Variants in LRRC4C observed in about 807,000 individuals in gnomAD.
LRRC4C encodes leucine rich repeat containing 4C.
LRRC4C carries 5 observed loss-of-function variants against 33.6 expected under a neutral mutation model. That is an observed-to-expected ratio of 0.15 (90% CI 0.08 to 0.31). LRRC4C has a LOEUF of 0.31. Among genes scored for constraint, LRRC4C ranks in the 10% least tolerant of loss-of-function variants. The pLI is 1.00. For missense variants in LRRC4C, 560 were observed against 796.7 expected (o/e 0.70, Z 3.58); for synonymous variants, 329 against 302.0 (o/e 1.09, Z -0.93).
At chr11:41,342,546 G>A (rs1565596770) in intron 1 of LRRC4C, among the ~76,000 whole-genome samples, 1 of 151,962 alleles carries the variant, frequency 6.6e-6, no homozygotes. Context: ...AAAACCCCGT[G>A]TCTACTAAAA....
chr11:40,158,882 G>C (rs1204663334), intron 5 of LRRC4C, among the ~76,000 whole-genome samples: 3 of 152,136 alleles, frequency 2.0e-5, no homozygotes, highest in Non-Finnish European at 4.4e-5. Context: ...AGTAGGAAAA[G>C]AGTATCAGAA....
intron 1 of LRRC4C, among the ~76,000 whole-genome samples, chr11:41,296,667 C>T (rs1279615170): frequency 2.0e-5 from 3 of 152,120 alleles, no homozygotes; most frequent in African/African-American, 4.8e-5. Context: ...CCAAAACAAC[C>T]TCTTTCACTT....
At chr11:41,381,731 GA>G (rs1342540966) in intron 1 of LRRC4C, among the ~76,000 whole-genome samples, 1 of 151,190 alleles carries the variant, frequency 6.6e-6, no homozygotes, top group African/African-American at 2.4e-5. Flanking sequence ...TTGGAAATAA[GA>G]AAAACTGAAA....
intron 2 of LRRC4C, among the ~76,000 whole-genome samples, chr11:40,726,454 C>T (rs759376169): frequency 1.3e-5 from 2 of 152,148 alleles, no homozygotes; most frequent in Non-Finnish European, 2.9e-5. Context: ...TAATTTGTCA[C>T]AATCAAGTAG....
intron 1 of LRRC4C, among the ~76,000 whole-genome samples, chr11:41,078,828 T>C (rs1054694095): frequency 6.6e-6 from 1 of 152,186 alleles, no homozygotes; most frequent in Non-Finnish European, 1.5e-5. Flanking sequence ...GCAAATGTTA[T>C]GGGCTGTATC....
intron 1 of LRRC4C, among the ~76,000 whole-genome samples, chr11:40,972,274 T>TG (rs1215287692): frequency 6.6e-6 from 1 of 152,022 alleles, no homozygotes; most frequent in African/African-American, 2.4e-5. Flanking sequence ...GTAGCTGGGA[T>TG]TACAAGCATG....
chr11:40,383,117 CAG>C (rs35747693), intron 3 of LRRC4C, among the ~76,000 whole-genome samples: 51,731 of 151,868 alleles, frequency 0.34, 9,601 homozygotes, highest in East Asian at 0.49. Context: ...TGGTATTTTG[CAG>C]AGTTTGTCAT....
intron 1 of LRRC4C, among the ~76,000 whole-genome samples, chr11:41,121,271 A>T (rs940059391): frequency 6.6e-6 from 1 of 152,096 alleles, no homozygotes; most frequent in Non-Finnish European, 1.5e-5. Context: ...TCAGTCTTTG[A>T]TCTTATTGTA....
At chr11:40,639,611 T>C (rs560895789) in intron 3 of LRRC4C, among the ~76,000 whole-genome samples, 11 of 152,338 alleles carry the variant, frequency 7.2e-5, no homozygotes, top group African/African-American at 2.6e-4. Context: ...CTGTAATAGA[T>C]GCATGCCATT....
chr11:40,840,214 C>T (rs1331695692), intron 2 of LRRC4C, among the ~76,000 whole-genome samples: 4 of 152,128 alleles, frequency 2.6e-5, no homozygotes, highest in Non-Finnish European at 5.9e-5. Context: ...GACAGCAAAT[C>T]CTCCTATCAA....
intron 3 of LRRC4C, among the ~76,000 whole-genome samples, chr11:40,630,344 CTT>C (rs1963360077): frequency 2.8e-5 from 1 of 36,268 alleles, no homozygotes; most frequent in Non-Finnish European, 7.9e-5. Flanking sequence ...TCTTCTTCTT[CTT>C]CTTCTTCTTC....
At chr11:41,113,502 T>C (rs995430497) in intron 1 of LRRC4C, among the ~76,000 whole-genome samples, 4 of 152,032 alleles carry the variant, frequency 2.6e-5, no homozygotes, top group Admixed American at 1.3e-4. Context: ...CACTCAGCAA[T>C]TCACAAAAAA....
At chr11:41,316,572 A>T (rs910423401) in intron 1 of LRRC4C, among the ~76,000 whole-genome samples, 5 of 152,168 alleles carry the variant, frequency 3.3e-5, no homozygotes, top group African/African-American at 1.2e-4. Flanking sequence ...CTTCAACTCT[A>T]TTCGTCTGAA....
intron 2 of LRRC4C, among the ~76,000 whole-genome samples, chr11:40,724,859 A>G (rs1382825125): frequency 1.3e-5 from 2 of 152,306 alleles, no homozygotes; most frequent in Admixed American, 1.3e-4. Flanking sequence ...AGATTTACAA[A>G]GAAAAAAAAG....
intron 1 of LRRC4C, among the ~76,000 whole-genome samples, chr11:41,034,606 CGTATATATATATAT>C (rs1321175910): frequency 9.2e-6 from 1 of 108,476 alleles, no homozygotes; most frequent in East Asian, 2.4e-4. Context: ...AATATGGTGA[CGTATATATATATAT>C]ATATATATAT....
chr11:40,696,008 A>G (rs936752527), intron 2 of LRRC4C, among the ~76,000 whole-genome samples: 2 of 148,978 alleles, frequency 1.3e-5, no homozygotes, highest in Admixed American at 1.3e-4. Flanking sequence ...TACATGTAGT[A>G]TATATATATG....
chr11:40,477,294 AGAG>A (rs2138363536), intron 3 of LRRC4C, among the ~76,000 whole-genome samples: 1 of 150,760 alleles, frequency 6.6e-6, no homozygotes, highest in South Asian at 2.1e-4. Flanking sequence ...ACTGAGTTTG[AGAG>A]ACAACATCAA....
chr11:40,702,837 G>T (rs1224473671), intron 2 of LRRC4C, among the ~76,000 whole-genome samples: 2 of 151,924 alleles, frequency 1.3e-5, no homozygotes, highest in Non-Finnish European at 2.9e-5. Flanking sequence ...GCTTAACATT[G>T]AATTCAATAT....
chr11:40,471,158 G>A (rs2138290286), intron 3 of LRRC4C, among the ~76,000 whole-genome samples: 1 of 152,266 alleles, frequency 6.6e-6, no homozygotes, highest in Non-Finnish European at 1.5e-5. Context: ...ACCTATAAAG[G>A]GAAGCCCATC....
Sources: gnomAD v4.1 joint callset for allele counts (sites outside exome capture counted in the v4.1 genomes callset) on GRCh38, gnomAD v4.1.1 for gene constraint, MANE v1.5 for transcripts, NCBI Gene and HGNC (gene_info 2026-07-23, HGNC 2026-07-21) for gene names.